The following ZNF385D variants were observed in gnomAD, a reference collection of about 807,000 sequenced individuals.
ZNF385D encodes the protein zinc finger protein 659.
A neutral mutation model predicts 35.8 loss-of-function variants in ZNF385D; 15 were observed. That is an observed-to-expected ratio of 0.42 (90% CI 0.28 to 0.64). The LOEUF is 0.64. Ranked by LOEUF, ZNF385D falls within the 30% of genes least tolerant of loss-of-function variation. ZNF385D has a pLI of 0.23. For missense variants in ZNF385D, 474 were observed against 494.6 expected (o/e 0.96, Z 0.39); for synonymous variants, 212 against 186.8 (o/e 1.13, Z -1.10).
chr3:22,146,169 C>T (rs1418581156), intron 3 of ZNF385D, among the ~76,000 whole-genome samples: 1 of 152,146 alleles, frequency 6.6e-6, no homozygotes, highest in Non-Finnish European at 1.5e-5. Context: ...AGGGAACCAT[C>T]TGGTCTACTA....
At chr3:22,183,242 A>T (rs1335763858) in intron 2 of ZNF385D, among the ~76,000 whole-genome samples, 1 of 152,202 alleles carries the variant, frequency 6.6e-6, no homozygotes, top group Non-Finnish European at 1.5e-5. Context: ...ACAGTCATCT[A>T]ACTCGGGTAG....
At chr3:21,981,389 T>A (rs1027433130) in intron 3 of ZNF385D, among the ~76,000 whole-genome samples, 3 of 152,146 alleles carry the variant, frequency 2.0e-5, no homozygotes, top group African/African-American at 7.2e-5. Context: ...TGTCTGTTCA[T>A]GACTGAACAC....
intron 3 of ZNF385D, among the ~76,000 whole-genome samples, chr3:21,846,196 T>G (rs1695997718): frequency 1.3e-5 from 2 of 151,906 alleles, no homozygotes. Context: ...CATGGTAGAG[T>G]GAGGAATTTG....
At chr3:21,949,069 G>T (rs555395013) in intron 3 of ZNF385D, among the ~76,000 whole-genome samples, 1 of 151,922 alleles carries the variant, frequency 6.6e-6, no homozygotes. Flanking sequence ...CATGTATTTA[G>T]TTACTAGTGA....
chr3:22,080,924 A>T (rs1700719675), intron 3 of ZNF385D, among the ~76,000 whole-genome samples: 1 of 152,116 alleles, frequency 6.6e-6, no homozygotes, highest in Non-Finnish European at 1.5e-5. Flanking sequence ...TGCTTCCTCA[A>T]TCATAGACTT....
At chr3:21,794,132 A>C (rs758334432) in intron 3 of ZNF385D, among the ~76,000 whole-genome samples, 1 of 152,174 alleles carries the variant, frequency 6.6e-6, no homozygotes, top group Non-Finnish European at 1.5e-5. Context: ...TGTGCGTAGC[A>C]AAATTTCTTT....
intron 3 of ZNF385D, among the ~76,000 whole-genome samples, chr3:21,964,398 G>T (rs1191142406): frequency 9.4e-6 from 1 of 106,696 alleles, no homozygotes; most frequent in East Asian, 3.2e-4. Flanking sequence ...TGGCTCTACA[G>T]TTGGTCCTTT....
chr3:21,597,698 A>C (rs564875387), intron 2 of ZNF385D, among the ~76,000 whole-genome samples: 4 of 152,342 alleles, frequency 2.6e-5, no homozygotes, highest in Admixed American at 2.6e-4. Flanking sequence ...TTTCAGCCAA[A>C]TGGGGGTTTT....
At chr3:22,192,801 T>G (rs1238505556) in intron 2 of ZNF385D, among the ~76,000 whole-genome samples, 1 of 152,186 alleles carries the variant, frequency 6.6e-6, no homozygotes. Context: ...TTCTGCCTCC[T>G]CTACACAAAT....
At chr3:21,634,535 C>G (rs1330132453) in intron 2 of ZNF385D, among the ~76,000 whole-genome samples, 3 of 151,692 alleles carry the variant, frequency 2.0e-5, no homozygotes, top group Non-Finnish European at 4.4e-5. Flanking sequence ...ATATATATAC[C>G]TTTTTTAGTA....
chr3:21,643,257 G>C (rs886101367), intron 2 of ZNF385D, among the ~76,000 whole-genome samples: 23 of 152,096 alleles, frequency 1.5e-4, no homozygotes, highest in Admixed American at 1.5e-3. Flanking sequence ...CAGTTCAAAG[G>C]AAAACACCAA....
intron 2 of ZNF385D, among the ~76,000 whole-genome samples, chr3:21,574,441 C>T (rs559495653): frequency 3.3e-5 from 5 of 152,204 alleles, no homozygotes; most frequent in African/African-American, 1.2e-4. Flanking sequence ...CCACTTCAAA[C>T]AATAGGCCTT....
chr3:22,150,499 A>C (rs1373476293), intron 3 of ZNF385D, among the ~76,000 whole-genome samples: 1 of 152,084 alleles, frequency 6.6e-6, no homozygotes, highest in Admixed American at 6.6e-5. Flanking sequence ...GTGGGAATGC[A>C]TACCTACTTT....
intron 1 of ZNF385D, among the ~76,000 whole-genome samples, chr3:21,697,165 G>C (rs1232046963): frequency 6.6e-6 from 1 of 152,078 alleles, no homozygotes; most frequent in Non-Finnish European, 1.5e-5. Flanking sequence ...GTTAAAGGGA[G>C]GTAGTAAAAG....
chr3:22,129,385 C>T (rs759976171), intron 3 of ZNF385D, among the ~76,000 whole-genome samples: 2 of 152,172 alleles, frequency 1.3e-5, no homozygotes, highest in Non-Finnish European at 2.9e-5. Context: ...GTGATGAATC[C>T]TGCCAGGACT....
rs143767025 is a variant in ZNF385D, at chr3:22,120,634, A to G, written c.325+48183T>C. Among the ~76,000 whole-genome samples the G allele has an allele frequency of 4.5e-3, 685 of 152,224 alleles. 12 individuals carry two copies. The highest frequency in any genetic ancestry group is 0.016 in the African/African-American group (653 of 41,544). ...TTTACTAGCTGCACGATACCACACA[A>G]ATCATTTAAAAGAAAACTAAGCTGT... On this transcript the variant is annotated intron_variant, in intron 3 of 5. Transcript: ENST00000494108.
At chr3:21,974,984 C>G (rs994352979) in intron 3 of ZNF385D, among the ~76,000 whole-genome samples, 1 of 152,142 alleles carries the variant, frequency 6.6e-6, no homozygotes. Flanking sequence ...GAAATTAGTA[C>G]AACCACTATA....
chr3:22,123,738 G>T lies in ZNF385D; in HGVS notation c.325+45079C>A, dbSNP rs185911075. ...TAGCTGGGTGTGGTGGTGGGCACCTGTAATCTCAGCTACTCGGGAGGCCGA... is the reference window on the plus strand; with the variant it reads ...TAGCTGGGTGTGGTGGTGGGCACCTTTAATCTCAGCTACTCGGGAGGCCGA... On this transcript the variant is annotated intron_variant, in intron 3 of 5. Transcript: ENST00000494108. 8.3e-3 allele frequency among the ~76,000 whole-genome samples: 1,267 copies of T among 152,114 alleles called. 11 individuals carry two copies. Among genetic ancestry groups the T allele is most frequent in the South Asian group, 0.022 (106 of 4,818 alleles).
rs78538922 is a variant in ZNF385D, at chr3:21,632,562, G to A, written c.165+32324C>T. On this transcript the variant is annotated intron_variant, in intron 2 of 7. Coordinates refer to ENST00000281523, the MANE Select transcript of ZNF385D (RefSeq NM_024697.3). Reference sequence around the variant, plus strand: ...TAATTTCCAAAGGAATGCAGTTAAGGGGGGAAAAGGCAACATAATAGTGTT... The same window carrying A: ...TAATTTCCAAAGGAATGCAGTTAAGAGGGGAAAAGGCAACATAATAGTGTT... Among the ~76,000 whole-genome samples, 40 of 152,200 alleles carry A rather than the reference G, an allele frequency of 2.6e-4. No individual in the cohort carries two copies. In the East Asian group the frequency reaches 7.0e-3, roughly 26 times the overall value.
Sources: gnomAD v4.1 joint callset for allele counts (sites outside exome capture counted in the v4.1 genomes callset) on GRCh38, gnomAD v4.1.1 for gene constraint, MANE v1.5 for transcripts, NCBI Gene and HGNC (gene_info 2026-07-23, HGNC 2026-07-21) for gene names.